Variants in OR51B5 observed in about 807,000 individuals in gnomAD.
OR51B5 encodes the protein olfactory receptor family 51 subfamily B member 5.
For missense variants in OR51B5, 456 were observed against 374.6 expected, an observed-to-expected ratio of 1.22 and a Z score of -1.79; for synonymous variants, 186 against 144.8, an observed-to-expected ratio of 1.28 and a Z score of -2.04.
chr11:5,344,009 A>G (rs1848949837), upstream of OR51B5, among the ~76,000 whole-genome samples: 1 of 152,234 alleles, frequency 6.6e-6, no homozygotes, highest in East Asian at 1.9e-4. Flanking sequence ...ATTATCAGCT[A>G]AAGTCTCAAC....
intron 1 of OR51B5, among the ~76,000 whole-genome samples, chr11:5,471,143 T>A (rs7130406): frequency 1.4e-3 from 209 of 152,346 alleles, no homozygotes; most frequent in African/African-American, 4.7e-3. Flanking sequence ...ACTTTTCTTA[T>A]CACAGCTTAA....
intron 1 of OR51B5, among the ~76,000 whole-genome samples, chr11:5,459,143 T>C (rs1358055552): frequency 1.3e-5 from 2 of 152,222 alleles, no homozygotes; most frequent in Admixed American, 1.3e-4. Context: ...ACCTAGTTTA[T>C]TGAGTGTTTT....
At chr11:5,454,275 C>T (rs75620804) in intron 1 of OR51B5, 36,313 of 1,614,128 alleles carry the variant, frequency 0.022, 454 homozygotes, top group Non-Finnish European at 0.026. Flanking sequence ...CACAGTGCAC[C>T]GCTTTGGGAA....
At chr11:5,431,260 C>T (rs1471150211) in intron 1 of OR51B5, 1 of 323,230 alleles carries the variant, frequency 3.1e-6, no homozygotes, top group Non-Finnish European at 6.2e-6. Context: ...TAGTAGGACC[C>T]CTGACTCCAT....
intron 1 of OR51B5, among the ~76,000 whole-genome samples, chr11:5,358,376 T>C (rs1322270161): frequency 6.6e-6 from 1 of 152,082 alleles, no homozygotes; most frequent in Non-Finnish European, 1.5e-5. Context: ...TCTACACAAA[T>C]AAACTAGAAA....
intron 1 of OR51B5, among the ~76,000 whole-genome samples, chr11:5,394,831 T>C (rs1849843544): frequency 6.6e-6 from 1 of 152,220 alleles, no homozygotes; most frequent in African/African-American, 2.4e-5. Context: ...ACAGAGTTTG[T>C]GTCTTATTAA....
intron 1 of OR51B5, among the ~76,000 whole-genome samples, chr11:5,452,814 A>G (rs1850877275): frequency 6.6e-6 from 1 of 152,184 alleles, no homozygotes; most frequent in Non-Finnish European, 1.5e-5. Flanking sequence ...CAAATACATA[A>G]TTTTTCCAGA....
At chr11:5,364,283 C>T (rs1222616624) in intron 1 of OR51B5, among the ~76,000 whole-genome samples, 3 of 152,174 alleles carry the variant, frequency 2.0e-5, no homozygotes, top group South Asian at 2.1e-4. Flanking sequence ...CACTTTCCCT[C>T]GACCTTGACC....
intron 1 of OR51B5, among the ~76,000 whole-genome samples, chr11:5,417,596 A>T (rs900616868): frequency 7.3e-5 from 11 of 151,010 alleles, no homozygotes; most frequent in Admixed American, 4.0e-4. Flanking sequence ...AAAAAACCCC[A>T]TCCAAAAGTG....
At chr11:5,442,880 C>T (rs560597450) in intron 1 of OR51B5, among the ~76,000 whole-genome samples, 1 of 152,314 alleles carries the variant, frequency 6.6e-6, no homozygotes, top group South Asian at 2.1e-4. Context: ...CTTCTTGCTA[C>T]AGTTAACACT....
chr11:5,494,203 T>C (rs1851617411), intron 1 of OR51B5, among the ~76,000 whole-genome samples: 1 of 152,226 alleles, frequency 6.6e-6, no homozygotes. Context: ...AATGCATTAA[T>C]GTGTGGCAAG....
intron 1 of OR51B5, chr11:5,355,112 CG>C: frequency 5.6e-6 from 1 of 178,926 alleles, no homozygotes; most frequent in Admixed American, 5.5e-5. Context: ...AGGAAGCTTA[CG>C]GACTATGACA....
chr11:5,422,562 C>G, intron 1 of OR51B5: 1 of 1,614,162 alleles, frequency 6.2e-7, no homozygotes, highest in Non-Finnish European at 8.5e-7. Context: ...CTGGCTATGT[C>G]CGTTGACTGC....
In OR51B5 at chr11:5,359,376, G is replaced by C. The variant is rs2133695945; in HGVS notation, n.85-12466C>G. 3.5e-5 allele frequency among the ~76,000 whole-genome samples: 5 copies of C among 144,668 alleles called. No individual in the cohort carries two copies. In the Middle Eastern group the frequency reaches 0.014, roughly 402 times the overall value. 94.9% of individuals were successfully genotyped at this position (144,668 alleles called of 152,430 possible). On this transcript the variant is annotated intron_variant and non_coding_transcript_variant, in intron 1 of 4. Coordinates refer to the OR51B5 transcript ENST00000415970. ...AGACAAACAGAGAGCCAAATCATGA[G>C]GGAACTCCCATTCACAATTGCTTCA...
At position 5,497,191 on chromosome 11, in the gene OR51B5, G is replaced by A. The variant is rs1405429690; in HGVS notation, n.84+8378C>T. Among the ~76,000 whole-genome samples the A allele has an allele frequency of 4.6e-5, 7 of 152,156 alleles. 1 individual carries two copies. The Middle Eastern group carries it at 9.5e-3, about 206-fold the overall frequency. ...GTAAATGCGTTGAGTACTTTTAAGT[G>A]CTGGTACATATTGACATGTTAATAA... On this transcript the variant is annotated intron_variant and non_coding_transcript_variant, in intron 1 of 4. Transcript: ENST00000415970.
chr11:5,389,460 GC>G, intron 1 of OR51B5: 2 of 1,613,918 alleles, frequency 1.2e-6, no homozygotes, highest in Non-Finnish European at 8.5e-7. Context: ...ACTCAGTTTA[GC>G]CCCATATTCT....
intron 1 of OR51B5, among the ~76,000 whole-genome samples, chr11:5,372,236 T>C (rs985656652): frequency 6.6e-6 from 1 of 152,180 alleles, no homozygotes; most frequent in African/African-American, 2.4e-5. Context: ...AACATGAGAG[T>C]GCAGATAGCT....
chr11:5,461,116 A>ACC (rs1276665471), intron 1 of OR51B5, among the ~76,000 whole-genome samples: 222 of 152,316 alleles, frequency 1.5e-3, no homozygotes, highest in African/African-American at 5.2e-3. Context: ...GTGAGGGTGC[A>ACC]CAAGCGGATC....
chr11:5,441,539 G>C, intron 1 of OR51B5: 1 of 1,551,058 alleles, frequency 6.4e-7, no homozygotes, highest in East Asian at 2.3e-5. Context: ...GATAGGGAAT[G>C]GACCCAAGAG....
Sources: allele counts gnomAD v4.1 joint callset (sites outside exome capture counted in the v4.1 genomes callset), GRCh38; gene constraint gnomAD v4.1.1; transcripts MANE v1.5; gene names NCBI Gene and HGNC (gene_info 2026-07-23, HGNC 2026-07-21).